The following RNF152 variants were observed in gnomAD, a reference collection of about 807,000 sequenced individuals.
RNF152 encodes the protein E3 ubiquitin-protein ligase RNF152.
A neutral mutation model predicts 12.7 loss-of-function variants in RNF152; 11 were observed. The observed-to-expected ratio is 0.86, with a 90% CI of 0.54 to 1.43. The LOEUF is 1.43. RNF152 is among the 40% of genes most tolerant of loss of function. The pLI, the probability that RNF152 is intolerant of heterozygous loss-of-function variation, is 0.00. For missense variants in RNF152, 255 were observed against 274.8 expected, an observed-to-expected ratio of 0.93 and a Z score of 0.51; for synonymous variants, 113 against 120.3, an observed-to-expected ratio of 0.94 and a Z score of 0.40.
intron 1 of RNF152, among the ~76,000 whole-genome samples, chr18:61,852,273 G>C (rs1238819169): frequency 6.6e-6 from 1 of 152,174 alleles, no homozygotes; most frequent in African/African-American, 2.4e-5. Flanking sequence ...TGAGGAAAAG[G>C]CCTAGACATC....
rs1371347680 is a variant in RNF152, at chr18:61,832,322, G to A, written c.-135-15724C>T. On this transcript the variant is annotated intron_variant, in intron 1 of 1. Coordinates refer to ENST00000312828, the MANE Select transcript of RNF152 (RefSeq NM_173557.3). ...TTTTGTTTTTGTTTTAAGCGCACAT[G>A]TATATATGTACTACTTAACTAAAAC... 7.2e-5 allele frequency among the ~76,000 whole-genome samples: 11 copies of A among 152,126 alleles called. 1 individual carries two copies. The highest frequency in any genetic ancestry group is 6.6e-4 in the Admixed American group (10 of 15,266).
rs1243581450 is a variant in RNF152 at position 61,892,998 on chromosome 18, T to A, written c.-339A>T. On this transcript the variant is annotated 5_prime_UTR_variant, in exon 1 of 2. Transcript: ENST00000312828. ...AAGCGCCCTCCTGGGCAGACGGGGC[T>A]GGAGCGGGTGCACTAGGGAGGTGGA... 1 of 152,530 alleles carries A rather than the reference T, an allele frequency of 6.6e-6. No homozygotes were observed. The highest frequency in any genetic ancestry group is 2.4e-5 in the African/African-American group (1 of 41,430). 9.4% of individuals were successfully genotyped at this position (152,530 alleles called of 1,614,324 possible).
intron 1 of RNF152, among the ~76,000 whole-genome samples, chr18:61,823,234 A>G (rs982003751): frequency 1.3e-5 from 2 of 152,232 alleles, no homozygotes; most frequent in Non-Finnish European, 2.9e-5. Flanking sequence ...GTTTCCTCCT[A>G]TGAGCATCCT....
intron 1 of RNF152, among the ~76,000 whole-genome samples, chr18:61,832,002 A>T (rs113592622): frequency 0.033 from 5,037 of 152,048 alleles, 267 homozygotes; most frequent in African/African-American, 0.11. Flanking sequence ...AATCCAATTC[A>T]TTTTCTTGAA....
At chr18:61,831,942 T>C (rs918517200) in intron 1 of RNF152, among the ~76,000 whole-genome samples, 1 of 151,962 alleles carries the variant, frequency 6.6e-6, no homozygotes, top group African/African-American at 2.4e-5. Context: ...TGGGTGTGTA[T>C]AGGGGTGTGT....
rs899985201 is a variant in RNF152 at position 61,812,405 on chromosome 18, A to G, written c.*3447T>C. On this transcript the variant is annotated 3_prime_UTR_variant, in exon 2 of 2. Coordinates refer to ENST00000312828, the MANE Select transcript of RNF152 (RefSeq NM_173557.3). ...CATGGTTTAACCTTCAAGGGACCCA[A>G]TCTGTAAGCCATGCAAAAAATTAAA... is the stretch of plus-strand genomic sequence containing the variant. The G allele has an allele frequency of 6.6e-6, 1 of 152,146 alleles. No homozygotes were observed. Among genetic ancestry groups the G allele is most frequent in the Non-Finnish European group, 1.5e-5 (1 of 68,030 alleles). 9.4% of individuals were successfully genotyped at this position (152,146 alleles called of 1,614,324 possible). A position where few individuals can be genotyped will look rare whatever the true frequency, so the allele number is the denominator to read the frequency against.
intron 1 of RNF152, among the ~76,000 whole-genome samples, chr18:61,844,090 G>GAAAGAAAGAAAGAA (rs1555702315): frequency 3.3e-5 from 3 of 91,816 alleles, no homozygotes; most frequent in Non-Finnish European, 4.9e-5. Context: ...AAGAAAGAAA[G>GAAAGAAAGAAAGAA]AAAGAAAGAA....
At chr18:61,828,580 G>A (rs1231648672) in intron 1 of RNF152, among the ~76,000 whole-genome samples, 1 of 152,186 alleles carries the variant, frequency 6.6e-6, no homozygotes, top group African/African-American at 2.4e-5. Flanking sequence ...GTACACCATT[G>A]CACTGGCAAA....
At chr18:61,827,449 A>T (rs988351140) in intron 1 of RNF152, among the ~76,000 whole-genome samples, 3 of 152,184 alleles carry the variant, frequency 2.0e-5, no homozygotes, top group Non-Finnish European at 4.4e-5. Context: ...ACAAACAACA[A>T]CAACAAAAAC....
intron 1 of RNF152, among the ~76,000 whole-genome samples, chr18:61,833,860 A>G (rs530614209): frequency 1.4e-4 from 21 of 150,646 alleles, no homozygotes; most frequent in African/African-American, 4.1e-4. Context: ...AGCTACTTTC[A>G]TAACCTGGTT....
rs1321005281 is a variant in RNF152 at position 61,815,620 on chromosome 18, G to A, written c.*232C>T. On this transcript the variant is annotated 3_prime_UTR_variant, in exon 2 of 2. Coordinates refer to ENST00000312828, the MANE Select transcript of RNF152 (RefSeq NM_173557.3). ...TGAATACATGATTATGAGGATGCAT[G>A]CAATCATCTTCCAAGCTGTTGCCAT... The A allele has an allele frequency of 3.8e-6, 2 of 532,898 alleles. No individual in the cohort carries two copies. Among genetic ancestry groups the A allele is most frequent in the African/African-American group, 1.9e-5 (1 of 52,978 alleles). The allele number at this position is 532,898 out of a possible 1,614,324, so 33.0% of individuals were successfully genotyped here.
intron 1 of RNF152, among the ~76,000 whole-genome samples, chr18:61,843,918 T>G (rs762650469): frequency 2.6e-5 from 4 of 151,850 alleles, no homozygotes; most frequent in African/African-American, 9.7e-5. Context: ...TTACCACCAC[T>G]GAACTGTATA....
chr18:61,890,048 C>A (rs8085180), intron 1 of RNF152, among the ~76,000 whole-genome samples: 79,909 of 152,050 alleles, frequency 0.53, 21,089 homozygotes, highest in East Asian at 0.75. Context: ...TTAGTAAATA[C>A]CATATCAACA....
intron 1 of RNF152, among the ~76,000 whole-genome samples, chr18:61,868,984 A>C (rs1464383173): frequency 1.3e-5 from 2 of 152,226 alleles, no homozygotes; most frequent in Admixed American, 6.5e-5. Context: ...TTTCATGATG[A>C]GAGTAACTAA....
At chr18:61,879,790 C>T (rs1375397127) in intron 1 of RNF152, among the ~76,000 whole-genome samples, 1 of 151,710 alleles carries the variant, frequency 6.6e-6, no homozygotes, top group Non-Finnish European at 1.5e-5. Flanking sequence ...ACGGAGAAAC[C>T]CCATCTCTAC....
Position 61,815,821 on chromosome 18 carries a change from G to C in RNF152, c.*31C>G. 1.3e-6 allele frequency: 2 copies of C among 1,599,538 alleles called. No homozygotes were observed. The highest frequency in any genetic ancestry group is 1.7e-6 in the Non-Finnish European group (2 of 1,170,304). On this transcript the variant is annotated 3_prime_UTR_variant, in exon 2 of 2. Coordinates refer to ENST00000312828, the MANE Select transcript of RNF152 (RefSeq NM_173557.3). ...ATCAACCTGCTCAACCCCTAAGTTG[G>C]CACCCACAAGAGACTTCCCTGCAGC...
intron 1 of RNF152, among the ~76,000 whole-genome samples, chr18:61,861,895 C>A (rs781609999): frequency 2.6e-5 from 4 of 152,126 alleles, no homozygotes; most frequent in Non-Finnish European, 2.9e-5. Context: ...GCTCCTGTGA[C>A]CTAAACATCT....
chr18:61,845,556 G>C (rs1158251551), intron 1 of RNF152, among the ~76,000 whole-genome samples: 1 of 152,210 alleles, frequency 6.6e-6, no homozygotes, highest in Non-Finnish European at 1.5e-5. Flanking sequence ...CTTAAAGCAG[G>C]TTTGGAAAGT....
chr18:61,843,388 A>T (rs1910539693), intron 1 of RNF152, among the ~76,000 whole-genome samples: 1 of 152,248 alleles, frequency 6.6e-6, no homozygotes, highest in Non-Finnish European at 1.5e-5. Context: ...TTAAAACAGT[A>T]TGTCAGTTCC....
Sources: gnomAD v4.1 joint callset for allele counts (sites outside exome capture counted in the v4.1 genomes callset) on GRCh38, gnomAD v4.1.1 for gene constraint, MANE v1.5 for transcripts, NCBI Gene and HGNC (gene_info 2026-07-23, HGNC 2026-07-21) for gene names.